CREB5: variants seen among roughly 807,000 people sequenced by gnomAD.
CREB5 encodes cyclic AMP-responsive element-binding protein 5.
A neutral mutation model predicts 57.1 loss-of-function variants in CREB5; 19 were observed. The observed-to-expected ratio is 0.33, with a 90% CI of 0.23 to 0.49. The LOEUF (loss-of-function observed/expected upper bound fraction) is 0.49. Among genes scored for constraint, CREB5 ranks in the 20% least tolerant of loss-of-function variants. CREB5 has a pLI of 0.99. For synonymous variants in CREB5, 238 were observed against 238.3 expected, an observed-to-expected ratio of 1.00 and a Z score of 0.01; for missense variants, 579 against 671.6, an observed-to-expected ratio of 0.86 and a Z score of 1.52.
intron 1 of CREB5, among the ~76,000 whole-genome samples, chr7:28,469,034 G>A (rs1417140980): frequency 6.6e-6 from 1 of 152,132 alleles, no homozygotes; most frequent in Non-Finnish European, 1.5e-5. Flanking sequence ...TTCCAGGCAA[G>A]ATAGGCAGCT....
At chr7:28,418,753 G>A (rs961359915) in intron 1 of CREB5, among the ~76,000 whole-genome samples, 4 of 152,154 alleles carry the variant, frequency 2.6e-5, no homozygotes, top group African/African-American at 9.7e-5. Context: ...CTAAGAGATT[G>A]CCAAGGCTAG....
At chr7:28,361,369 A>G (rs1786476666) in intron 1 of CREB5, among the ~76,000 whole-genome samples, 1 of 152,050 alleles carries the variant, frequency 6.6e-6, no homozygotes, top group Admixed American at 6.6e-5. Context: ...CCTACACACC[A>G]GTTTTCTTTT....
At chr7:28,600,248 A>G (rs1217061598) in intron 5 of CREB5, among the ~76,000 whole-genome samples, 3 of 152,104 alleles carry the variant, frequency 2.0e-5, no homozygotes, top group African/African-American at 4.8e-5. Flanking sequence ...TGCTATTTGA[A>G]TGGAGGAATT....
intron 7 of CREB5, among the ~76,000 whole-genome samples, chr7:28,800,471 C>T (rs1437879069): frequency 6.6e-6 from 1 of 152,194 alleles, no homozygotes; most frequent in Non-Finnish European, 1.5e-5. Flanking sequence ...GGACCTTCAT[C>T]CCCTGAGCAT....
At chr7:28,627,246 A>C (rs941036814) in intron 5 of CREB5, among the ~76,000 whole-genome samples, 1 of 152,252 alleles carries the variant, frequency 6.6e-6, no homozygotes, top group Non-Finnish European at 1.5e-5. Context: ...CTGATAGCCC[A>C]GCATTTGATA....
At chr7:28,423,212 C>T (rs1172532493) in intron 1 of CREB5, among the ~76,000 whole-genome samples, 1 of 152,186 alleles carries the variant, frequency 6.6e-6, no homozygotes, top group African/African-American at 2.4e-5. Context: ...CAAGCAACTC[C>T]TTTCCAACAC....
At chr7:28,701,137 G>A (rs151201045) in intron 5 of CREB5, among the ~76,000 whole-genome samples, 2 of 152,274 alleles carry the variant, frequency 1.3e-5, no homozygotes, top group South Asian at 2.1e-4. Context: ...GGATGCAAAT[G>A]TGCAGCTCCC....
At chr7:28,594,543 C>G (rs1243744010) in intron 5 of CREB5, among the ~76,000 whole-genome samples, 1 of 152,174 alleles carries the variant, frequency 6.6e-6, no homozygotes, top group Non-Finnish European at 1.5e-5. Context: ...CCCAGGCTGA[C>G]TCTGGCTCAT....
At position 28,524,639 on chromosome 7, in the gene CREB5, G is replaced by C. The variant is rs185278067; in HGVS notation, c.291+16902G>C. 2.1e-3 allele frequency among the ~76,000 whole-genome samples: 316 copies of C among 152,276 alleles called. 1 individual carries two copies. Among genetic ancestry groups the C allele is most frequent in the African/African-American group, 7.2e-3 (299 of 41,574 alleles). On this transcript the variant is annotated intron_variant, in intron 4 of 10. Coordinates refer to ENST00000357727, the MANE Select transcript of CREB5 (RefSeq NM_182898.4). ...TTGAAAGCAAGAAGAATTTTAATTA[G>C]AAATGCTTCTATTCATTCAACCGTT...
intron 4 of CREB5, among the ~76,000 whole-genome samples, chr7:28,563,281 G>A (rs1283760166): frequency 6.6e-6 from 1 of 152,076 alleles, no homozygotes; most frequent in Non-Finnish European, 1.5e-5. Context: ...GTTTTCAGAC[G>A]CTGTGCTGGG....
At chr7:28,660,754 A>G (rs976525792) in intron 5 of CREB5, among the ~76,000 whole-genome samples, 5 of 151,714 alleles carry the variant, frequency 3.3e-5, no homozygotes, top group African/African-American at 9.7e-5. Context: ...TTATTCTTAC[A>G]TTAATATTCT....
intron 5 of CREB5, among the ~76,000 whole-genome samples, chr7:28,592,199 TCGGTAACCTAATG>T (rs1283263863): frequency 6.6e-6 from 1 of 152,238 alleles, no homozygotes; most frequent in East Asian, 1.9e-4. Context: ...CTGTTTTAAT[TCGGTAACCTAATG>T]CAGGCCATGT....
Position 28,575,845 on chromosome 7 carries a change from G to A in CREB5, c.464+5308G>A, listed in dbSNP as rs115071720. On this transcript the variant is annotated intron_variant, in intron 5 of 10. Coordinates refer to ENST00000357727, the MANE Select transcript of CREB5 (RefSeq NM_182898.4). ...CCATATGGCTCCCGTTAAATCCCATGCAGAGCCTTGAGAAATTACCTCTGA... is the reference window on the plus strand; with the variant it reads ...CCATATGGCTCCCGTTAAATCCCATACAGAGCCTTGAGAAATTACCTCTGA... 2.4e-3 allele frequency among the ~76,000 whole-genome samples: 372 copies of A among 152,286 alleles called. 1 individual carries two copies. The highest frequency in any genetic ancestry group is 0.01 in the Middle Eastern group (3 of 294).
intron 5 of CREB5, among the ~76,000 whole-genome samples, chr7:28,674,187 T>G (rs1461524583): frequency 1.3e-5 from 2 of 152,142 alleles, no homozygotes; most frequent in African/African-American, 4.8e-5. Flanking sequence ...AGAGTCCCTT[T>G]CTTGATGTTT....
intron 5 of CREB5, among the ~76,000 whole-genome samples, chr7:28,667,581 T>TA (rs1402339847): frequency 2.1e-5 from 3 of 144,444 alleles, no homozygotes; most frequent in Non-Finnish European, 4.6e-5. Flanking sequence ...GATGATGTTT[T>TA]AAAAAAATAA....
chr7:28,453,002 G>A (rs1033208849), intron 1 of CREB5, among the ~76,000 whole-genome samples: 2 of 152,192 alleles, frequency 1.3e-5, no homozygotes, highest in East Asian at 1.9e-4. Context: ...TGTGCAGCCC[G>A]ACATGGGTGC....
intron 5 of CREB5, among the ~76,000 whole-genome samples, chr7:28,599,716 A>T (rs2128669086): frequency 6.9e-6 from 1 of 144,598 alleles, no homozygotes; most frequent in Admixed American, 6.8e-5. Flanking sequence ...TTCCAGGGAG[A>T]CCCAGGTGTT....
chr7:28,672,186 AAAACACAC>A lies in CREB5; in HGVS notation c.465-46565_465-46558del, dbSNP rs1288078834. On this transcript the variant is annotated intron_variant, in intron 5 of 10. Transcript: ENST00000357727. ...TCAGTTGTATTATGGAAAAAAAAAA[AAAACACAC>A]ACACACACACACACACACACAAACA... Among the ~76,000 whole-genome samples, 6 of 141,966 alleles carry A rather than the reference AAAACACAC, an allele frequency of 4.2e-5. No individual in the cohort carries two copies. In the East Asian group the frequency reaches 1.4e-3, roughly 32 times the overall value. The allele number at this position is 141,966 out of a possible 152,430, so 93.1% of individuals were successfully genotyped here. A position where few individuals can be genotyped will look rare whatever the true frequency, so the allele number is the denominator to read the frequency against.
chr7:28,332,242 G>A lies in CREB5; in HGVS notation c.-25+32801G>A, dbSNP rs74853057. Among the ~76,000 whole-genome samples, 1,072 of 152,264 alleles carry A rather than the reference G, an allele frequency of 7.0e-3. 11 individuals carry two copies. The highest frequency in any genetic ancestry group is 0.024 in the African/African-American group (1,013 of 41,548). ...CCCGAGAACCTCTGTGAGGAGTGTG[G>A]TCTGGACTGAAACTAGACTGTGGAC... On this transcript the variant is annotated intron_variant, in intron 1 of 9. Coordinates refer to the CREB5 transcript ENST00000396299.
Sources: gnomAD v4.1 joint callset for allele counts (sites outside exome capture counted in the v4.1 genomes callset) on GRCh38, gnomAD v4.1.1 for gene constraint, MANE v1.5 for transcripts, NCBI Gene and HGNC (gene_info 2026-07-23, HGNC 2026-07-21) for gene names.